The following TRIM9 variants were observed in gnomAD, a reference collection of about 807,000 sequenced individuals.
TRIM9 encodes E3 ubiquitin-protein ligase TRIM9.
A neutral mutation model predicts 78.3 loss-of-function variants in TRIM9; 26 were observed. That is an observed-to-expected ratio of 0.33 (90% CI 0.24 to 0.46). The LOEUF is 0.46. Among genes scored for constraint, TRIM9 ranks in the 20% least tolerant of loss-of-function variants. The pLI is 1.00. For missense variants in TRIM9, 787 were observed against 1,036.4 expected (o/e 0.76, Z 3.30); for synonymous variants, 398 against 416.5 (o/e 0.96, Z 0.54).
intron 10 of TRIM9, 116 bp downstream of exon 10, chr14:50,982,826 T>A: frequency 1.0e-6 from 1 of 986,676 alleles, no homozygotes; most frequent in Non-Finnish European, 1.5e-6. Flanking sequence ...AAGTTCTAAA[T>A]GCCACCTATA....
At chr14:50,983,494 A>G in intron 8 of TRIM9, 73 bp from the exon 9 acceptor site, 1 of 1,192,088 alleles carries the variant, frequency 8.4e-7, no homozygotes, top group Non-Finnish European at 1.2e-6. Flanking sequence ...TATACGCTTA[A>G]AAAGCACCAG....
intron 3 of TRIM9, among the ~76,000 whole-genome samples, chr14:51,022,436 C>A (rs1001819934): frequency 2.0e-5 from 3 of 152,164 alleles, no homozygotes; most frequent in Admixed American, 6.5e-5. Flanking sequence ...TCTTCAGAAC[C>A]ATGAGCTAAA....
At chr14:51,062,511 T>G (rs12101017) in intron 1 of TRIM9, among the ~76,000 whole-genome samples, 20,132 of 152,188 alleles carry the variant, frequency 0.13, 1,512 homozygotes, top group Middle Eastern at 0.2. Flanking sequence ...ATTTGAAAAC[T>G]ATTTGAAGGC....
intron 1 of TRIM9, among the ~76,000 whole-genome samples, chr14:51,044,232 A>T (rs1382526447): frequency 1.3e-5 from 2 of 152,214 alleles, no homozygotes; most frequent in African/African-American, 4.8e-5. Context: ...ATTAGGTTGC[A>T]CTGATGAAGG....
At chr14:51,027,792 T>C (rs1249113198) in intron 1 of TRIM9, among the ~76,000 whole-genome samples, 2 of 152,138 alleles carry the variant, frequency 1.3e-5, no homozygotes, top group African/African-American at 4.8e-5. Context: ...GAGAGGCATA[T>C]TTTAAAGAAG....
chr14:51,061,925 T>C lies in TRIM9; in HGVS notation c.822+32193A>G, dbSNP rs1370754248. On this transcript the variant is annotated intron_variant, in intron 1 of 12. Coordinates refer to ENST00000684578, the MANE Select transcript of TRIM9 (RefSeq NM_001387360.1). ...ACTATTGCAGGACTCCAGTGATATG[T>C]ATGTTAGGCCATATGATATTATCCC... Among the ~76,000 whole-genome samples the C allele has an allele frequency of 2.0e-5, 3 of 152,320 alleles. No homozygotes were observed. In the East Asian group the frequency reaches 5.8e-4, roughly 29 times the overall value.
chr14:50,995,760 C>A (rs975353275), intron 7 of TRIM9, among the ~76,000 whole-genome samples: 7 of 151,122 alleles, frequency 4.6e-5, no homozygotes, highest in African/African-American at 1.5e-4. Context: ...CCACCACCCC[C>A]AATACCAGCA....
intron 1 of TRIM9, among the ~76,000 whole-genome samples, chr14:51,054,481 G>T (rs531019846): frequency 6.6e-6 from 1 of 151,142 alleles, no homozygotes; most frequent in Admixed American, 6.6e-5. Flanking sequence ...TCATTATGTT[G>T]CCTAGGCTAG....
At chr14:51,017,853 G>A (rs1372306795) in intron 3 of TRIM9, among the ~76,000 whole-genome samples, 1 of 152,194 alleles carries the variant, frequency 6.6e-6, no homozygotes, top group Non-Finnish European at 1.5e-5. Flanking sequence ...AACTCCAGCT[G>A]TGTATGGGGC....
At chr14:51,046,007 G>A (rs1041330259) in intron 1 of TRIM9, among the ~76,000 whole-genome samples, 1 of 152,086 alleles carries the variant, frequency 6.6e-6, no homozygotes, top group African/African-American at 2.4e-5. Flanking sequence ...ACACATTGAC[G>A]TAATGTATAA....
At chr14:51,029,016 G>A (rs891280116) in intron 1 of TRIM9, among the ~76,000 whole-genome samples, 3 of 152,012 alleles carry the variant, frequency 2.0e-5, no homozygotes, top group Non-Finnish European at 4.4e-5. Context: ...TACTTCTCAC[G>A]CTCAGCAAAT....
At chr14:51,088,688 C>T (rs1001717738) in intron 1 of TRIM9, among the ~76,000 whole-genome samples, 2 of 151,158 alleles carry the variant, frequency 1.3e-5, no homozygotes, top group African/African-American at 4.9e-5. Flanking sequence ...TGTGAAAAAC[C>T]TCACAATAAA....
chr14:51,094,543 G>A lies in TRIM9; in HGVS notation c.397C>T (p.Arg133Cys), dbSNP rs1411956031. 2 of 1,613,176 alleles carry A rather than the reference G, an allele frequency of 1.2e-6. No individual in the cohort carries two copies. Among genetic ancestry groups the A allele is most frequent in the Non-Finnish European group, 1.7e-6 (2 of 1,179,828 alleles). ...NSCITCPQCH[R>C]SLILDDRGLR... ...CCCCGGTCATCCAGGATGAGGCTGC[G>A]GTGACACTGGGGGCAGGTGATACAG... is the stretch of plus-strand genomic sequence containing the variant. The change falls in exon 1 of 13, where the codon CGC becomes TGC. Residue 133 changes from arginine to cysteine, a missense_variant. Coordinates refer to ENST00000684578, the MANE Select transcript of TRIM9 (RefSeq NM_001387360.1).
chr14:51,018,859 T>G (rs1266470505), intron 3 of TRIM9, among the ~76,000 whole-genome samples: 1 of 152,162 alleles, frequency 6.6e-6, no homozygotes, highest in Non-Finnish European at 1.5e-5. Context: ...TATCTTAGAG[T>G]TCAAAGGTAA....
intron 1 of TRIM9, among the ~76,000 whole-genome samples, chr14:51,068,766 G>GAACCAAGGTTTA (rs1329000870): frequency 1.3e-5 from 2 of 152,206 alleles, no homozygotes; most frequent in African/African-American, 4.8e-5. Flanking sequence ...CCATGTTGCA[G>GAACCAAGGTTTA]AACCAAGGTT....
chr14:50,986,193 T>A, intron 7 of TRIM9, 49 bp from the exon 8 acceptor site: 1 of 1,417,836 alleles, frequency 7.1e-7, no homozygotes, highest in Non-Finnish European at 9.3e-7. Flanking sequence ...TGCTATTATG[T>A]CCCCGTGCAC....
intron 12 of TRIM9, among the ~76,000 whole-genome samples, chr14:50,977,598 A>T (rs1258116893): frequency 6.6e-6 from 1 of 152,110 alleles, no homozygotes; most frequent in East Asian, 1.9e-4. Flanking sequence ...GCCTCTTTTA[A>T]AGGATTCCGG....
At chr14:51,059,812 A>AC (rs1374296999) in intron 1 of TRIM9, among the ~76,000 whole-genome samples, 8 of 146,072 alleles carry the variant, frequency 5.5e-5, no homozygotes, top group Non-Finnish European at 9.2e-5. Context: ...AAAAAAAAAC[A>AC]AAAAAAACAC....
At chr14:51,010,284 A>C in intron 4 of TRIM9, 100 bp downstream of exon 4, 1 of 870,422 alleles carries the variant, frequency 1.1e-6, no homozygotes, top group Admixed American at 2.1e-5. Flanking sequence ...TTATTGAGGG[A>C]CACAGGCCCA....
Sources: allele counts gnomAD v4.1 joint callset (sites outside exome capture counted in the v4.1 genomes callset), GRCh38; gene constraint gnomAD v4.1.1; transcripts MANE v1.5; gene names NCBI Gene and HGNC (gene_info 2026-07-23, HGNC 2026-07-21).